TEAD3: variants seen among roughly 807,000 people sequenced by gnomAD.
The protein encoded by TEAD3 is transcriptional enhancer factor TEF-5.
Under a neutral mutation model 55.6 loss-of-function variants are expected in TEAD3, and 15 were observed. The ratio of observed to expected loss-of-function variants is 0.27; its 90% CI spans 0.18 to 0.42. The LOEUF is 0.42. Among genes scored for constraint, TEAD3 ranks in the 10% least tolerant of loss-of-function variants. The pLI, the probability that TEAD3 is intolerant of heterozygous loss-of-function variation, is 1.00. For synonymous variants in TEAD3, 210 were observed against 232.2 expected, an observed-to-expected ratio of 0.90 and a Z score of 0.87; for missense variants, 407 against 576.8, an observed-to-expected ratio of 0.71 and a Z score of 3.01.
chr6:35,475,975 A>G lies in TEAD3; in HGVS notation c.844T>C (p.Leu282=), dbSNP rs760605977. 5.8e-6 allele frequency: 9 copies of G among 1,560,564 alleles called. No individual in the cohort carries two copies. Among genetic ancestry groups the G allele is most frequent in the Non-Finnish European group, 7.8e-6 (9 of 1,155,016 alleles). Residue 282 remains leucine (L), a synonymous_variant, in exon 10 of 13, where the codon TTG becomes CTG. Transcript: ENST00000639578. This position sits in a 1 kb window ranked among gnomAD's most constrained non-coding sequence, Gnocchi z 5.4. Reference sequence around the variant, plus strand: ...GGCCCCTTCTCATAGAGCTCCTTCAATCCTCCCTTTTTCTCGGGGAATTTG... The same window carrying G: ...GGCCCCTTCTCATAGAGCTCCTTCAGTCCTCCCTTTTTCTCGGGGAATTTG...
chr6:35,475,672 C>G lies in TEAD3; in HGVS notation c.935G>C (p.Gly312Ala). ...CTGAGAGCTGACCCCATAGAAGGCT[C>G]CCGGGCCCTCCTGGATGGTGCTGTT... is the stretch of plus-strand genomic sequence containing the variant. Residue 312 changes from glycine to alanine, a missense_variant, in exon 11 of 13, where the codon GGA becomes GCA. By Grantham distance (60) the Gly-to-Ala change is moderately conservative (BLOSUM62 0). Coordinates refer to ENST00000639578, the Ensembl canonical transcript of TEAD3. This position sits in a 1 kb window ranked among gnomAD's most constrained non-coding sequence, Gnocchi z 5.4. 1 of 1,612,036 alleles carries G rather than the reference C, an allele frequency of 6.2e-7. No homozygotes were observed. The highest frequency in any genetic ancestry group is 8.5e-7 in the Non-Finnish European group (1 of 1,178,678).
chr6:35,490,065 G>A (rs9366886), intron 1 of TEAD3, among the ~76,000 whole-genome samples: 52,307 of 151,710 alleles, frequency 0.34, 9,331 homozygotes, highest in Admixed American at 0.41. Context: ...ATGAGCTAAG[G>A]CCCCTCTTAA....
chr6:35,474,736 GCTGAAGGTGTCCCCTATCCCCA>G, downstream of TEAD3: 1 of 319,974 alleles, frequency 3.1e-6, no homozygotes. Context: ...CATGCTGGAG[GCTGAAGGTGTCCCCTATCCCCA>G]CCTCTCTGAG....
intron 1 of TEAD3, among the ~76,000 whole-genome samples, chr6:35,494,826 G>A (rs930819070): frequency 6.6e-6 from 1 of 152,020 alleles, no homozygotes; most frequent in African/African-American, 2.4e-5. Flanking sequence ...CCACTTCAGA[G>A]GCAAGATCCC....
In TEAD3 at chr6:35,484,073, C is replaced by T. The variant is rs894440290; in HGVS notation, c.267+487G>A. ...TCTTAAAAATATATCCCGAGTGTCACCTCCTCCAGGGAGCCTTCCCAGCTC... is the reference window on the plus strand; with the variant it reads ...TCTTAAAAATATATCCCGAGTGTCATCTCCTCCAGGGAGCCTTCCCAGCTC... On this transcript the variant is annotated intron_variant, in intron 3 of 12. Transcript: ENST00000639578. The surrounding 1 kb of genome is among the most constrained non-coding windows in gnomAD (Gnocchi z 5.8). Among the ~76,000 whole-genome samples the T allele has an allele frequency of 2.0e-5, 3 of 152,186 alleles. No individual in the cohort carries two copies. Among genetic ancestry groups the T allele is most frequent in the African/African-American group, 7.2e-5 (3 of 41,442 alleles).
intron 3 of TEAD3, among the ~76,000 whole-genome samples, chr6:35,482,472 C>T (rs1160981274): frequency 6.6e-6 from 1 of 152,138 alleles, no homozygotes. Context: ...TTCTAAAATT[C>T]TGAGCTTATC....
At chr6:35,490,346 G>A (rs1768484255) in intron 1 of TEAD3, among the ~76,000 whole-genome samples, 1 of 152,214 alleles carries the variant, frequency 6.6e-6, no homozygotes, top group Non-Finnish European at 1.5e-5. Context: ...GTGAGGGGGA[G>A]GGGAGGGGGG....
intron 1 of TEAD3, among the ~76,000 whole-genome samples, chr6:35,490,124 G>C (rs894944379): frequency 6.6e-6 from 1 of 152,174 alleles, no homozygotes; most frequent in Non-Finnish European, 1.5e-5. Context: ...GGCAGCCCCA[G>C]ACTTTTAAAG....
At chr6:35,479,274 C>G in intron 5 of TEAD3, 31 bp downstream of exon 5, 2 of 1,613,086 alleles carry the variant, frequency 1.2e-6, no homozygotes, top group Non-Finnish European at 1.7e-6. Context: ...CCCTTTCCCC[C>G]ACTCCCACTG....
intron 1 of TEAD3, among the ~76,000 whole-genome samples, chr6:35,487,049 T>C (rs973866586): frequency 7.2e-5 from 11 of 152,146 alleles, no homozygotes; most frequent in African/African-American, 2.4e-4. Context: ...ACTCAAGAAA[T>C]AGGTAATCGG....
rs1468513126 is a variant in TEAD3 at position 35,488,520 on chromosome 6, A to G, written c.-49-1809T>C. Among the ~76,000 whole-genome samples the G allele has an allele frequency of 2.0e-5, 3 of 151,878 alleles. No individual in the cohort carries two copies. The highest frequency in any genetic ancestry group is 4.1e-4 in the South Asian group (2 of 4,830). ...GGCAGCAGGGAAAGGGGAGGGGTGG[A>G]GATGTAGGGGACACCGTCAGAAGCC... On this transcript the variant is annotated intron_variant, in intron 1 of 12. Transcript: ENST00000639578. This position sits in a 1 kb window ranked among gnomAD's most constrained non-coding sequence, Gnocchi z 4.2.
chr6:35,493,341 G>T (rs964219049), intron 1 of TEAD3, among the ~76,000 whole-genome samples: 1 of 151,792 alleles, frequency 6.6e-6, no homozygotes, highest in Non-Finnish European at 1.5e-5. Context: ...AGGGACCACA[G>T]GCCCCCAAAA....
chr6:35,489,505 G>A (rs561342241), intron 1 of TEAD3, among the ~76,000 whole-genome samples: 1 of 152,284 alleles, frequency 6.6e-6, no homozygotes, highest in East Asian at 1.9e-4. Flanking sequence ...GGAGCAACTT[G>A]AAGACCCCCG....
At chr6:35,478,700 G>A in intron 5 of TEAD3, 129 bp from the exon 6 acceptor site, 1 of 1,248,392 alleles carries the variant, frequency 8.0e-7, no homozygotes, top group Non-Finnish European at 1.1e-6. Flanking sequence ...ATCCAGGCCT[G>A]GATTCCAGCC....
At chr6:35,478,408 C>G (rs781388455) in intron 6 of TEAD3, 26 bp downstream of exon 6, 50 of 1,613,508 alleles carry the variant, frequency 3.1e-5, no homozygotes, top group Non-Finnish European at 4.0e-5. Flanking sequence ...ACCCCCACAC[C>G]AGCCCACCTC....
exon 6 of TEAD3, chr6:35,478,489 T>C: frequency 6.2e-7 from 1 of 1,612,528 alleles, no homozygotes; most frequent in South Asian, 1.1e-5. Flanking sequence ...GCTGAACTTG[T>C]TCTGCAGGAC....
At position 35,484,671 on chromosome 6, in the gene TEAD3, C is replaced by A. The variant is rs576794017; in HGVS notation, c.203-47G>T. ...AATGAGGAGTGGGCAAAGGGTGGAG[C>A]CAGAGGCTGGAGGCCCCCACCCCAC... On this transcript the variant is annotated intron_variant, in intron 2 of 12. Coordinates refer to ENST00000639578, the Ensembl canonical transcript of TEAD3. The surrounding 1 kb of genome is among the most constrained non-coding windows in gnomAD (Gnocchi z 5.8). The A allele has an allele frequency of 3.2e-6, 5 of 1,540,622 alleles. No individual in the cohort carries two copies. The African/African-American group carries it at 5.5e-5, about 17-fold the overall frequency.
At chr6:35,490,685 G>A (rs1306839176) in intron 1 of TEAD3, among the ~76,000 whole-genome samples, 5 of 152,194 alleles carry the variant, frequency 3.3e-5, no homozygotes, top group African/African-American at 1.2e-4. Context: ...AGCACTGGCT[G>A]CTCTGTTCTC....
At chr6:35,477,191 C>A (rs1768165879) in intron 8 of TEAD3, 120 bp downstream of exon 8, 1 of 1,029,868 alleles carries the variant, frequency 9.7e-7, no homozygotes, top group Middle Eastern at 2.0e-4. Flanking sequence ...CTGGCCTGTC[C>A]CAATCTCCTG....
Sources: gnomAD v4.1 joint callset for allele counts (sites outside exome capture counted in the v4.1 genomes callset) on GRCh38, gnomAD v4.1.1 for gene constraint, Gnocchi (gnomAD v3.1) non-coding constraint, MANE v1.5 for transcripts, NCBI Gene and HGNC (gene_info 2026-07-23, HGNC 2026-07-21) for gene names.